The following COL24A1 variants were observed in gnomAD, a reference collection of about 807,000 sequenced individuals.
COL24A1 encodes the protein collagen alpha-1(XXIV) chain.
COL24A1 carries 224 observed loss-of-function variants against 253.9 expected under a neutral mutation model. The observed-to-expected ratio is 0.88, with a 90% CI of 0.79 to 0.99. The LOEUF (loss-of-function observed/expected upper bound fraction) is 0.99, where lower values mean the gene tolerates loss of function less well. COL24A1 is among the 50% of genes least tolerant of loss of function. The pLI is 0.00. For missense variants in COL24A1, 2,131 were observed against 2,068.5 expected (o/e 1.03, Z -0.59); for synonymous variants, 685 against 673.7 (o/e 1.02, Z -0.26).
intron 19 of COL24A1, among the ~76,000 whole-genome samples, chr1:86,006,343 A>G (rs572822754): frequency 1.3e-5 from 2 of 152,330 alleles, no homozygotes; most frequent in African/African-American, 4.8e-5. Context: ...TAGAGAACCC[A>G]GAAATAGACC....
At chr1:86,098,714 A>C (rs1010094052) in intron 5 of COL24A1, among the ~76,000 whole-genome samples, 2 of 152,200 alleles carry the variant, frequency 1.3e-5, no homozygotes, top group African/African-American at 4.8e-5. Context: ...TACCAAGCCC[A>C]TAAGTTTAAG....
intron 5 of COL24A1, among the ~76,000 whole-genome samples, chr1:86,094,408 C>G (rs992964609): frequency 6.6e-6 from 1 of 151,824 alleles, no homozygotes; most frequent in Admixed American, 6.6e-5. Flanking sequence ...AACCAAATAC[C>G]ACATATTCTC....
intron 35 of COL24A1, among the ~76,000 whole-genome samples, chr1:85,869,356 G>T (rs966631996): frequency 1.3e-5 from 2 of 152,116 alleles, no homozygotes; most frequent in African/African-American, 2.4e-5. Context: ...ACACCACAAA[G>T]ATACTCCTTG....
chr1:85,945,027 T>G lies in COL24A1; in HGVS notation c.2562+16222A>C, dbSNP rs1162970071. On this transcript the variant is annotated intron_variant, in intron 24 of 59. Coordinates refer to ENST00000370571, the MANE Select transcript of COL24A1 (RefSeq NM_152890.7). The stretch of plus-strand genomic sequence containing the variant: ...GTTTTTTTTTTTTTTTTTTTTTTTT[T>G]TTTTTTTTGAGACAGAGTTTCCCTC... Among the ~76,000 whole-genome samples, 154 of 118,118 alleles carry G rather than the reference T, an allele frequency of 1.3e-3. 3 individuals are homozygous for G. Among genetic ancestry groups the G allele is most frequent in the African/African-American group, 4.8e-3 (138 of 28,706 alleles). 77.5% of individuals were successfully genotyped at this position (118,118 alleles called of 152,430 possible). A position where few individuals can be genotyped will look rare whatever the true frequency, so the allele number is the denominator to read the frequency against.
intron 19 of COL24A1, among the ~76,000 whole-genome samples, chr1:85,996,833 G>A (rs1232716907): frequency 6.6e-6 from 1 of 151,774 alleles, no homozygotes; most frequent in Non-Finnish European, 1.5e-5. Context: ...TTCAATGTGT[G>A]TATGTTTGCA....
At chr1:85,863,096 C>T (rs980726580) in intron 37 of COL24A1, among the ~76,000 whole-genome samples, 35 of 152,280 alleles carry the variant, frequency 2.3e-4, no homozygotes, top group African/African-American at 8.4e-4. Flanking sequence ...TGGGAGTTCA[C>T]TCATGATTTA....
chr1:85,762,989 G>A (rs1419754428), intron 53 of COL24A1, among the ~76,000 whole-genome samples: 1 of 152,108 alleles, frequency 6.6e-6, no homozygotes, highest in African/African-American at 2.4e-5. Context: ...CAACTCCAAT[G>A]TAACCACATA....
chr1:85,840,851 GA>G (rs1380815415), intron 42 of COL24A1, among the ~76,000 whole-genome samples: 2 of 151,992 alleles, frequency 1.3e-5, no homozygotes, highest in Admixed American at 6.6e-5. Flanking sequence ...ATATAGATAA[GA>G]TTTTTTTAAT....
chr1:86,041,256 A>G (rs1699457156), intron 12 of COL24A1, among the ~76,000 whole-genome samples: 1 of 152,178 alleles, frequency 6.6e-6, no homozygotes, highest in Non-Finnish European at 1.5e-5. Flanking sequence ...CTTTAAATGT[A>G]ATGTGATTTG....
At chr1:85,900,152 A>G (rs1320535396) in intron 28 of COL24A1, among the ~76,000 whole-genome samples, 4 of 152,204 alleles carry the variant, frequency 2.6e-5, no homozygotes, top group Non-Finnish European at 5.9e-5. Context: ...TATGTTTTAC[A>G]TTTAAAAAAT....
intron 47 of COL24A1, among the ~76,000 whole-genome samples, chr1:85,798,088 T>C (rs965368951): frequency 1.3e-5 from 2 of 151,896 alleles, no homozygotes; most frequent in Admixed American, 6.6e-5. Flanking sequence ...TCCCAGTTAC[T>C]TGTGAATCTG....
At chr1:86,114,146 G>A (rs141793765) in intron 4 of COL24A1, among the ~76,000 whole-genome samples, 1 of 152,186 alleles carries the variant, frequency 6.6e-6, no homozygotes, top group Non-Finnish European at 1.5e-5. Context: ...AATTTAGGGA[G>A]AGAAAAAATG....
intron 7 of COL24A1, among the ~76,000 whole-genome samples, chr1:86,074,242 G>A (rs1302918138): frequency 1.3e-5 from 2 of 152,046 alleles, no homozygotes; most frequent in Non-Finnish European, 2.9e-5. Flanking sequence ...GACACACATA[G>A]GCTCAAAATA....
intron 52 of COL24A1, among the ~76,000 whole-genome samples, chr1:85,780,020 T>C (rs1668989599): frequency 6.6e-6 from 1 of 152,210 alleles, no homozygotes; most frequent in African/African-American, 2.4e-5. Flanking sequence ...CATCATATTT[T>C]TGACAGAGGA....
At chr1:86,009,524 A>G (rs1352099219) in intron 19 of COL24A1, among the ~76,000 whole-genome samples, 1 of 152,182 alleles carries the variant, frequency 6.6e-6, no homozygotes, top group Non-Finnish European at 1.5e-5. Context: ...ACTGTAGGCA[A>G]TTGTAACACA....
At position 85,895,849 on chromosome 1, in the gene COL24A1, A is replaced by G; in HGVS notation, c.2922+9T>C. 2 of 1,602,512 alleles carry G rather than the reference A, an allele frequency of 1.2e-6. No homozygotes were observed. Among genetic ancestry groups the G allele is most frequent in the Non-Finnish European group, 1.7e-6 (2 of 1,175,272 alleles). ...AATTTTTCATAGCATGATTTTTTAA[A>G]TTACTTACTGGTTTCCCTTGAAATC... On this transcript the variant is annotated intron_variant, in intron 31 of 59. Coordinates refer to ENST00000370571, the MANE Select transcript of COL24A1 (RefSeq NM_152890.7).
At chr1:85,952,185 A>G (rs1241151467) in intron 24 of COL24A1, among the ~76,000 whole-genome samples, 1 of 152,222 alleles carries the variant, frequency 6.6e-6, no homozygotes. Flanking sequence ...CTTAAAATGT[A>G]GAAATGCTTT....
chr1:85,809,624 G>C (rs1282061708), intron 47 of COL24A1, among the ~76,000 whole-genome samples: 1 of 151,884 alleles, frequency 6.6e-6, no homozygotes, highest in East Asian at 1.9e-4. Context: ...CACAATAAAA[G>C]GGGCACAGTT....
chr1:86,021,616 G>A (rs1447602553), intron 18 of COL24A1, among the ~76,000 whole-genome samples: 1 of 152,090 alleles, frequency 6.6e-6, no homozygotes, highest in African/African-American at 2.4e-5. Context: ...CTGGTATTGT[G>A]TAGATACTCA....
Sources: gnomAD v4.1 joint callset for allele counts (sites outside exome capture counted in the v4.1 genomes callset) on GRCh38, gnomAD v4.1.1 for gene constraint, MANE v1.5 for transcripts, NCBI Gene and HGNC (gene_info 2026-07-23, HGNC 2026-07-21) for gene names.